ORC3: variants seen among roughly 807,000 people sequenced by gnomAD.
The protein encoded by ORC3 is homolog of latheo, Drosophila.
A neutral mutation model predicts 100.7 loss-of-function variants in ORC3; 78 were observed. The ratio of observed to expected loss-of-function variants is 0.77; its 90% confidence interval spans 0.65 to 0.94. The LOEUF (loss-of-function observed/expected upper bound fraction) is 0.94. Ranked by LOEUF, ORC3 falls within the 40% of genes least tolerant of loss-of-function variation. ORC3 has a pLI of 0.00. For synonymous variants in ORC3, 295 were observed against 289.3 expected (o/e 1.02, Z -0.20); for missense variants, 789 against 823.9 (o/e 0.96, Z 0.52).
chr6:87,613,290 A>G (rs931130213), intron 8 of ORC3, among the ~76,000 whole-genome samples: 1 of 152,194 alleles, frequency 6.6e-6, no homozygotes. Context: ...TAAAACCATC[A>G]GATCTCATGA....
At chr6:87,593,287 G>A (rs1777178339) in intron 1 of ORC3, among the ~76,000 whole-genome samples, 2 of 152,148 alleles carry the variant, frequency 1.3e-5, no homozygotes. Flanking sequence ...TATTCTGATT[G>A]CCTAATATGT....
chr6:87,629,890 A>C (rs1767257179), intron 11 of ORC3, among the ~76,000 whole-genome samples: 1 of 152,314 alleles, frequency 6.6e-6, no homozygotes, highest in East Asian at 1.9e-4. Context: ...GCTATCAGTG[A>C]ATGATTTTTG....
intron 11 of ORC3, among the ~76,000 whole-genome samples, chr6:87,625,387 T>G (rs1249408115): frequency 1.3e-5 from 2 of 152,224 alleles, no homozygotes; most frequent in Non-Finnish European, 2.9e-5. Flanking sequence ...TGACCGCCAT[T>G]CTGACTGGTG....
At chr6:87,677,485 G>C in the ORC3 span, among the ~76,000 whole-genome samples, 2 of 152,126 alleles carry the variant, frequency 1.3e-5, no homozygotes, top group South Asian at 4.1e-4. Context: ...CAGCCAATTA[G>C]ATATTTTAAA....
chr6:87,644,178 C>T (rs1468971887), intron 13 of ORC3, among the ~76,000 whole-genome samples: 6 of 142,606 alleles, frequency 4.2e-5, no homozygotes, highest in African/African-American at 1.0e-4. Flanking sequence ...CTGCAAGCTC[C>T]GCCTCCCGGG....
chr6:87,664,977 T>TA (rs2128296484), intron 18 of ORC3, 118 bp downstream of exon 18: 1 of 658,408 alleles, frequency 1.5e-6, no homozygotes, highest in East Asian at 2.8e-5. Flanking sequence ...TGCCTTGTCT[T>TA]TTATTTGGAA....
rs758144243 is a variant in ORC3 at position 87,616,409 on chromosome 6, C to G, written c.969C>G (p.Asn323Lys). The change falls in exon 9 of 20, where the codon AAC becomes AAG. Residue 323 changes from asparagine to lysine, a missense_variant. Coordinates refer to ENST00000392844, the MANE Select transcript of ORC3 (RefSeq NM_012381.4). ...TGTATCATGATTTCTCAGTTCAAAA[C>G]TTTATAAAAGGACTTCAGGTAAGAA... is the stretch of plus-strand genomic sequence containing the variant. ...IFLYHDFSVQNFIKGLQLSLL... is the reference protein window; with the variant it reads ...IFLYHDFSVQKFIKGLQLSLL... 6 of 1,458,306 alleles carry G rather than the reference C, an allele frequency of 4.1e-6. No homozygotes were observed. The Admixed American group carries it at 8.4e-5, about 20-fold the overall frequency. 90.3% of individuals were successfully genotyped at this position (1,458,306 alleles called of 1,614,324 possible). A position where few individuals can be genotyped will look rare whatever the true frequency, so the allele number is the denominator to read the frequency against.
chr6:87,656,697 T>C (rs927118441), intron 14 of ORC3, among the ~76,000 whole-genome samples: 3 of 152,236 alleles, frequency 2.0e-5, no homozygotes, highest in Non-Finnish European at 4.4e-5. Context: ...ATTCAGTAGC[T>C]GATTTTTTGA....
At chr6:87,603,552 T>C in intron 4 of ORC3, 24 bp downstream of exon 4, 1 of 1,416,604 alleles carries the variant, frequency 7.1e-7, no homozygotes, top group Non-Finnish European at 9.5e-7. Flanking sequence ...TGTTTGTTCA[T>C]GCATGCATCT....
At chr6:87,614,709 G>T (rs573664814) in intron 8 of ORC3, among the ~76,000 whole-genome samples, 2 of 152,100 alleles carry the variant, frequency 1.3e-5, no homozygotes, top group African/African-American at 4.8e-5. Context: ...GCAAAATGCC[G>T]CCAGTCTCTT....
chr6:87,646,747 G>A (rs1583135251), intron 13 of ORC3, among the ~76,000 whole-genome samples: 1 of 152,070 alleles, frequency 6.6e-6, no homozygotes, highest in African/African-American at 2.4e-5. Context: ...TCTTCTCTCT[G>A]ACATCTTAAC....
In ORC3 at chr6:87,612,133, C is replaced by A; in HGVS notation, c.758C>A (p.Ala253Asp). ...EFPLILIFGI[A>D]TSPIIIHRLL... is the part of the protein sequence containing the mutation. ...CCACTAATACTCATTTTTGGAATAG[C>A]CACATCTCCTATTATCATCCACCGA... The change falls in exon 8 of 20, where the codon GCC becomes GAC. Residue 253 changes from alanine to aspartate, a missense_variant. Around this residue, in one of 3 missense-constraint regions of ORC3, gnomAD observed 399 missense variants for 382.0 expected, o/e 1.04. Transcript: ENST00000392844. 1 of 1,613,532 alleles carries A rather than the reference C, an allele frequency of 6.2e-7. No individual in the cohort carries two copies. The highest frequency in any genetic ancestry group is 2.2e-5 in the East Asian group (1 of 44,794).
chr6:87,634,238 CT>C (rs199984571), intron 11 of ORC3, among the ~76,000 whole-genome samples: 11 of 149,984 alleles, frequency 7.3e-5, no homozygotes, highest in Admixed American at 5.3e-4. Context: ...TTTATTTATT[CT>C]TTTTTTTTTC....
At chr6:87,672,783 TTAG>T in the ORC3 span, among the ~76,000 whole-genome samples, 4 of 152,178 alleles carry the variant, frequency 2.6e-5, no homozygotes, top group Non-Finnish European at 5.9e-5. Context: ...AAAGACAGCT[TTAG>T]TAGTTTAAAC....
In ORC3 at chr6:87,610,185, T is replaced by C. The variant is rs538464992; in HGVS notation, c.713+956T>C. 1.6e-4 allele frequency among the ~76,000 whole-genome samples: 25 copies of C among 152,256 alleles called. No homozygotes were observed. In the South Asian group the frequency reaches 5.0e-3, roughly 30 times the overall value. On this transcript the variant is annotated intron_variant, in intron 7 of 19. Coordinates refer to ENST00000392844, the MANE Select transcript of ORC3 (RefSeq NM_012381.4). ...ATTTGCCTAAAGCTATATATTGTGT[T>C]AAATAATTTACTAGTATACTTTATT...
intron 15 of ORC3, 95 bp from the exon 16 acceptor site, chr6:87,657,826 G>A (rs1583164137): frequency 1.6e-6 from 1 of 641,462 alleles, no homozygotes; most frequent in Non-Finnish European, 2.9e-6. Context: ...TATGGAAAGG[G>A]CATCAGGTGC....
At chr6:87,608,454 G>GA (rs933032279) in intron 6 of ORC3, among the ~76,000 whole-genome samples, 4 of 151,708 alleles carry the variant, frequency 2.6e-5, no homozygotes, top group South Asian at 2.1e-4. Context: ...GACAGTATGG[G>GA]AAAAAAAATA....
intron 5 of ORC3, among the ~76,000 whole-genome samples, chr6:87,606,302 G>A (rs952672649): frequency 9.9e-5 from 15 of 152,126 alleles, no homozygotes; most frequent in African/African-American, 2.7e-4. Context: ...CCAGTGAAAC[G>A]TTTAATAAGT....
chr6:87,621,271 A>G, intron 9 of ORC3, 83 bp from the exon 10 acceptor site: 2 of 1,044,374 alleles, frequency 1.9e-6, no homozygotes, highest in South Asian at 5.2e-5. Context: ...CTTTAAAAAA[A>G]TCCTTAAAAT....
Sources: gnomAD v4.1 joint callset for allele counts (sites outside exome capture counted in the v4.1 genomes callset) on GRCh38, gnomAD v4.1.1 for gene constraint, gnomAD v4.1.1 regional missense constraint, MANE v1.5 for transcripts, NCBI Gene and HGNC (gene_info 2026-07-23, HGNC 2026-07-21) for gene names.